DCDC1: variants seen among roughly 807,000 people sequenced by gnomAD.
DCDC1 encodes doublecortin domain-containing protein 1.
DCDC1 carries 200 observed loss-of-function variants against 178.3 expected under a neutral mutation model. The observed-to-expected ratio is 1.12, with a 90% CI of 1.00 to 1.26. The LOEUF is 1.26. Ranked by LOEUF, DCDC1 falls within the 50% of genes most tolerant of loss-of-function variation. The pLI, the probability that DCDC1 is intolerant of heterozygous loss-of-function variation, is 0.00. For synonymous variants in DCDC1, 690 were observed against 604.8 expected, an observed-to-expected ratio of 1.14 and a Z score of -2.07; for missense variants, 1,983 against 1,749.2, an observed-to-expected ratio of 1.13 and a Z score of -2.38.
In DCDC1 at chr11:31,101,059, T is replaced by G. The variant is rs554120123; in HGVS notation, c.1983+1118A>C. On this transcript the variant is annotated intron_variant, in intron 15 of 38. Coordinates refer to ENST00000684477, the MANE Select transcript of DCDC1 (RefSeq NM_001387274.1). ...CTTGAAATAATCAATATTTTCAGTT[T>G]AAATTTTGACATAATTGAGAAACTG... 1.5e-4 allele frequency among the ~76,000 whole-genome samples: 23 copies of G among 152,338 alleles called. No individual in the cohort carries two copies. The South Asian group carries it at 4.3e-3, about 29-fold the overall frequency.
At chr11:31,059,466 G>A (rs1244177974) in intron 20 of DCDC1, among the ~76,000 whole-genome samples, 2 of 151,950 alleles carry the variant, frequency 1.3e-5, no homozygotes, top group African/African-American at 4.8e-5. Flanking sequence ...GCATAAAACA[G>A]CTAAAGGCAA....
intron 24 of DCDC1, 29 bp downstream of exon 24, chr11:30,922,474 A>G (rs1946312822): frequency 6.7e-7 from 1 of 1,482,634 alleles, no homozygotes; most frequent in East Asian, 2.6e-5. Context: ...TTGGCTGAAT[A>G]TATTAAGGTA....
chr11:31,237,194 C>A (rs1275126503), intron 9 of DCDC1, among the ~76,000 whole-genome samples: 1 of 151,840 alleles, frequency 6.6e-6, no homozygotes, highest in Non-Finnish European at 1.5e-5. Context: ...AGTGAGCCAA[C>A]ATTAACTTAC....
At position 31,194,355 on chromosome 11, in the gene DCDC1, TA is replaced by T. The variant is rs544097557; in HGVS notation, c.1221+47094del. On this transcript the variant is annotated intron_variant, in intron 9 of 38. Transcript: ENST00000684477. ...ATGAACCAATACGAATTGTTTTAAA[TA>T]GCTGTTACATGGAGTTATTTTTTTC... is the stretch of plus-strand genomic sequence containing the variant. Among the ~76,000 whole-genome samples, 96 of 152,210 alleles carry T rather than the reference TA, an allele frequency of 6.3e-4. No individual in the cohort carries two copies. The Middle Eastern group carries it at 0.02, about 32-fold the overall frequency.
intron 20 of DCDC1, among the ~76,000 whole-genome samples, chr11:31,014,954 T>A (rs1952395425): frequency 6.6e-6 from 1 of 151,656 alleles, no homozygotes; most frequent in African/African-American, 2.4e-5. Context: ...CCTTTTCTTT[T>A]TTTTTTTTTT....
chr11:31,275,142 A>G (rs1360417972), intron 7 of DCDC1, among the ~76,000 whole-genome samples: 2 of 152,216 alleles, frequency 1.3e-5, no homozygotes, highest in Non-Finnish European at 2.9e-5. Context: ...TAAAAGAGTT[A>G]ATATATATTA....
chr11:31,213,390 T>C (rs1973081258), intron 9 of DCDC1, among the ~76,000 whole-genome samples: 1 of 151,176 alleles, frequency 6.6e-6, no homozygotes, highest in Admixed American at 6.6e-5. Context: ...AAAGTAGGAG[T>C]ATTAAATCCC....
chr11:31,150,682 A>G (rs1965074534), intron 9 of DCDC1, among the ~76,000 whole-genome samples: 1 of 152,166 alleles, frequency 6.6e-6, no homozygotes, highest in African/African-American at 2.4e-5. Context: ...CCACCAATAT[A>G]TCTAATTTAC....
chr11:31,324,063 T>G (rs1949519136), intron 3 of DCDC1, among the ~76,000 whole-genome samples: 1 of 152,140 alleles, frequency 6.6e-6, no homozygotes, highest in Non-Finnish European at 1.5e-5. Flanking sequence ...TTTTTCCAAC[T>G]GCAGAGCAAT....
At chr11:31,049,322 C>T (rs1344379480) in intron 20 of DCDC1, among the ~76,000 whole-genome samples, 2 of 152,050 alleles carry the variant, frequency 1.3e-5, no homozygotes, top group African/African-American at 4.8e-5. Context: ...AGTGATGGCA[C>T]GGAAAGATTT....
chr11:31,195,917 A>AT (rs755399773), intron 9 of DCDC1, among the ~76,000 whole-genome samples: 2 of 152,018 alleles, frequency 1.3e-5, no homozygotes, highest in African/African-American at 2.4e-5. Context: ...ATATATTGTC[A>AT]TTTGACTCTG....
chr11:31,367,522 T>A (rs951250053), intron 1 of DCDC1, among the ~76,000 whole-genome samples: 1 of 152,176 alleles, frequency 6.6e-6, no homozygotes, highest in Admixed American at 6.5e-5. Flanking sequence ...AAAGTAAGGA[T>A]CATATTGAAG....
chr11:31,333,451 T>A (rs1394300230), intron 2 of DCDC1, among the ~76,000 whole-genome samples: 1 of 152,216 alleles, frequency 6.6e-6, no homozygotes, highest in East Asian at 1.9e-4. Flanking sequence ...TGCCCATTAG[T>A]TGCTGCAGTT....
At chr11:31,119,796 T>C (rs1008086116) in intron 11 of DCDC1, among the ~76,000 whole-genome samples, 1 of 152,152 alleles carries the variant, frequency 6.6e-6, no homozygotes, top group African/African-American at 2.4e-5. Context: ...ATGTTTTCTG[T>C]TACCAACCAA....
At chr11:30,888,111 AAAG>A (rs1285790170) in intron 36 of DCDC1, among the ~76,000 whole-genome samples, 1 of 108,708 alleles carries the variant, frequency 9.2e-6, no homozygotes, top group Non-Finnish European at 2.0e-5. Context: ...AGAAAGAAAG[AAAG>A]AAAGAAAGAA....
At chr11:31,282,727 A>T (rs918937558) in intron 7 of DCDC1, among the ~76,000 whole-genome samples, 2 of 152,000 alleles carry the variant, frequency 1.3e-5, no homozygotes, top group Non-Finnish European at 2.9e-5. Context: ...AATATCCTTT[A>T]ATATTTCTTA....
intron 6 of DCDC1, among the ~76,000 whole-genome samples, chr11:31,304,783 T>C (rs1277067008): frequency 6.6e-6 from 1 of 152,104 alleles, no homozygotes; most frequent in Non-Finnish European, 1.5e-5. Context: ...ATAAAAAGCA[T>C]AGGAAAGTAC....
At chr11:31,348,365 G>C (rs1591826056) in intron 1 of DCDC1, among the ~76,000 whole-genome samples, 1 of 152,236 alleles carries the variant, frequency 6.6e-6, no homozygotes, top group African/African-American at 2.4e-5. Context: ...AAAGATTTCA[G>C]GTCTCTTTCT....
Position 31,064,467 on chromosome 11 carries a change from A to C in DCDC1, c.2591+2T>G, listed in dbSNP as rs746937713. 1.3e-6 allele frequency: 1 copy of C among 764,434 alleles called. No homozygotes were observed. Among genetic ancestry groups the C allele is most frequent in the Non-Finnish European group, 2.4e-6 (1 of 416,696 alleles). 47.4% of individuals were successfully genotyped at this position (764,434 alleles called of 1,614,324 possible). On this transcript the variant is annotated splice_donor_variant, in intron 20 of 38. Transcript: ENST00000684477. LOFTEE classifies it high-confidence loss of function. The stretch of plus-strand genomic sequence containing the variant: ...TAAAGCTCAGTTCTGTCAGTACCCT[A>C]CCTCTGAGCAGAAGCCTTAGGATGT...
Sources: gnomAD v4.1 joint callset for allele counts (sites outside exome capture counted in the v4.1 genomes callset) on GRCh38, gnomAD v4.1.1 for gene constraint, MANE v1.5 for transcripts, NCBI Gene and HGNC (gene_info 2026-07-23, HGNC 2026-07-21) for gene names.